SLC25A42: variants seen among roughly 807,000 people sequenced by gnomAD.
The protein encoded by SLC25A42 is mitochondrial coenzyme A transporter SLC25A42.
A neutral mutation model predicts 34.7 loss-of-function variants in SLC25A42; 19 were observed. The ratio of observed to expected loss-of-function variants is 0.55; its 90% CI spans 0.38 to 0.80. The LOEUF is 0.80. Ranked by LOEUF, SLC25A42 falls within the 30% of genes least tolerant of loss-of-function variation. The pLI is 0.00. For synonymous variants in SLC25A42, 205 were observed against 191.2 expected (o/e 1.07, Z -0.59); for missense variants, 364 against 441.3 (o/e 0.82, Z 1.57).
intron 3 of SLC25A42, among the ~76,000 whole-genome samples, chr19:19,103,052 G>C (rs1292475503): frequency 1.3e-5 from 2 of 151,936 alleles, no homozygotes; most frequent in South Asian, 2.1e-4. Flanking sequence ...CTTCTCCCCT[G>C]TGTGTCTGTT....
At chr19:19,093,820 G>A (rs2059750623) in intron 1 of SLC25A42, among the ~76,000 whole-genome samples, 1 of 152,186 alleles carries the variant, frequency 6.6e-6, no homozygotes, top group Non-Finnish European at 1.5e-5. Context: ...TGAGATTACA[G>A]GTGCCTGCCA....
At chr19:19,094,667 G>A (rs573463020) in intron 1 of SLC25A42, among the ~76,000 whole-genome samples, 2 of 152,284 alleles carry the variant, frequency 1.3e-5, no homozygotes, top group South Asian at 2.1e-4. Context: ...GTCACTCACC[G>A]GCACTGATGC....
chr19:19,078,312 A>G (rs766681496), intron 1 of SLC25A42, among the ~76,000 whole-genome samples: 2 of 152,150 alleles, frequency 1.3e-5, no homozygotes, highest in Non-Finnish European at 2.9e-5. Context: ...TGCATTCAGC[A>G]TGAAGGTGCG....
At chr19:19,103,386 C>T (rs1267558350) in intron 3 of SLC25A42, among the ~76,000 whole-genome samples, 13 of 152,282 alleles carry the variant, frequency 8.5e-5, no homozygotes, top group East Asian at 3.9e-4. Context: ...TGAGTCACCG[C>T]GCCCGGCCTG....
At chr19:19,073,610 C>T (rs2059641418) in intron 1 of SLC25A42, among the ~76,000 whole-genome samples, 1 of 151,030 alleles carries the variant, frequency 6.6e-6, no homozygotes, top group South Asian at 2.1e-4. Flanking sequence ...AGTCTTTCAC[C>T]ATCACCCAGG....
intron 1 of SLC25A42, among the ~76,000 whole-genome samples, chr19:19,068,019 G>A (rs747723080): frequency 5.9e-5 from 9 of 152,130 alleles, no homozygotes; most frequent in African/African-American, 1.4e-4. Flanking sequence ...GCTTTTAAAA[G>A]TGCATTTGCA....
intron 1 of SLC25A42, among the ~76,000 whole-genome samples, chr19:19,064,714 T>G (rs1329284616): frequency 1.4e-5 from 2 of 141,888 alleles, no homozygotes; most frequent in Non-Finnish European, 3.1e-5. Context: ...CACCTCTGTC[T>G]CCCCCTTTTC....
At chr19:19,075,455 C>T (rs75099859) in intron 1 of SLC25A42, among the ~76,000 whole-genome samples, 1,818 of 152,310 alleles carry the variant, frequency 0.012, 45 homozygotes, top group African/African-American at 0.041. Context: ...TCTGCCTGGC[C>T]GCTGGTAGTC....
Position 19,101,903 on chromosome 19 carries a change from C to T in SLC25A42, c.187+17C>T, listed in dbSNP as rs753674295. The T allele has an allele frequency of 4.4e-6, 7 of 1,599,504 alleles. No individual in the cohort carries two copies. The highest frequency in any genetic ancestry group is 1.7e-5 in the Admixed American group (1 of 59,264). On this transcript the variant is annotated intron_variant, in intron 3 of 7. Transcript: ENST00000318596. The stretch of plus-strand genomic sequence containing the variant: ...TCTTCCAAGGTAAGTGTTGGCCATC[C>T]CCAGGTGCTAGAGAAGCTGCCAGGC...
At position 19,096,213 on chromosome 19, in the gene SLC25A42, C is replaced by A. The variant is rs2059764487; in HGVS notation, c.81+8C>A. ...TCGTCCGTCTCATCAAAGGCAAGTA[C>A]CCCGGCCTCCTGGGATGGGTGTTCT... On this transcript the variant is annotated splice_region_variant and intron_variant, in intron 2 of 7. Transcript: ENST00000318596. 1 of 1,605,340 alleles carries A rather than the reference C, an allele frequency of 6.2e-7. No homozygotes were observed. Among genetic ancestry groups the A allele is most frequent in the Non-Finnish European group, 8.5e-7 (1 of 1,172,826 alleles).
intron 3 of SLC25A42, among the ~76,000 whole-genome samples, chr19:19,104,387 T>C (rs1054480378): frequency 3.3e-5 from 5 of 152,180 alleles, no homozygotes; most frequent in Admixed American, 1.3e-4. Context: ...TGGTGACCGT[T>C]TGTGGCCTGT....
intron 2 of SLC25A42, among the ~76,000 whole-genome samples, chr19:19,097,243 G>A (rs2059770503): frequency 6.6e-6 from 1 of 152,208 alleles, no homozygotes; most frequent in African/African-American, 2.4e-5. Flanking sequence ...AAAGGCTGAG[G>A]TGGCGTCATC....
At chr19:19,106,060 G>T (rs1336730020) in intron 5 of SLC25A42, 1 of 563,238 alleles carries the variant, frequency 1.8e-6, no homozygotes, top group South Asian at 2.4e-5. Flanking sequence ...CCAGCAGGGG[G>T]GAAGGGAAGG....
intron 7 of SLC25A42, 26 bp downstream of exon 7, chr19:19,108,071 G>C (rs1374525146): frequency 6.5e-7 from 1 of 1,532,084 alleles, no homozygotes; most frequent in Non-Finnish European, 8.8e-7. Flanking sequence ...AGCATGAGGA[G>C]GGGACGTTCA....
Position 19,064,032 on chromosome 19 carries a change from G to T in SLC25A42, c.-118G>T, listed in dbSNP as rs1333530161. 6.5e-6 allele frequency: 1 copy of T among 153,028 alleles called. No individual in the cohort carries two copies. Among genetic ancestry groups the T allele is most frequent in the South Asian group, 1.9e-4 (1 of 5,224 alleles). 9.5% of individuals were successfully genotyped at this position (153,028 alleles called of 1,614,324 possible). On this transcript the variant is annotated 5_prime_UTR_variant, in exon 1 of 8. Transcript: ENST00000318596. The stretch of plus-strand genomic sequence containing the variant: ...GGCGGCTGGAGGTAGCGGCGGCGGC[G>T]ACGCGTCCGGGCCGGTGAGGGGGCG...
Position 19,110,828 on chromosome 19 carries a change from C to T in SLC25A42, c.909C>T (p.Phe303=), listed in dbSNP as rs759515020. The T allele has an allele frequency of 4.3e-6, 7 of 1,613,994 alleles. No homozygotes were observed. Among genetic ancestry groups the T allele is most frequent in the Non-Finnish European group, 5.9e-6 (7 of 1,180,024 alleles). The change falls in exon 8 of 8, where the codon TTC becomes TTT. Residue 303 remains phenylalanine (F), a synonymous_variant. Transcript: ENST00000318596. ...VKGPIAVGIS[F]TTFDLMQILL... ...GTCCCATCGCCGTGGGCATCAGCTT[C>T]ACCACCTTCGACCTCATGCAGATCC... is the stretch of plus-strand genomic sequence containing the variant.
chr19:19,067,720 A>ATT (rs973234516), intron 1 of SLC25A42, among the ~76,000 whole-genome samples: 9 of 145,476 alleles, frequency 6.2e-5, no homozygotes, highest in African/African-American at 2.3e-4. Context: ...GCTGTTGCTG[A>ATT]TTTTTTTTTT....
At chr19:19,098,694 G>A (rs538345717) in intron 2 of SLC25A42, among the ~76,000 whole-genome samples, 5 of 152,322 alleles carry the variant, frequency 3.3e-5, no homozygotes, top group South Asian at 2.1e-4. Context: ...CGAGACAGGC[G>A]GATCACCTGA....
intron 1 of SLC25A42, among the ~76,000 whole-genome samples, chr19:19,091,480 AAAAT>A (rs2059737885): frequency 6.6e-6 from 1 of 152,118 alleles, no homozygotes; most frequent in East Asian, 1.9e-4. Context: ...AAAATAAATA[AAAAT>A]AAATAAAGGG....
Sources: gnomAD v4.1 joint callset for allele counts (sites outside exome capture counted in the v4.1 genomes callset) on GRCh38, gnomAD v4.1.1 for gene constraint, MANE v1.5 for transcripts, NCBI Gene and HGNC (gene_info 2026-07-23, HGNC 2026-07-21) for gene names.